Variants in XRCC5 observed in about 807,000 individuals in gnomAD.
XRCC5 encodes the protein DNA repair protein Ku80.
In XRCC5, 12 loss-of-function variants were observed where a neutral mutation model predicts 95.7. The observed-to-expected ratio is 0.13, with a 90% confidence interval of 0.08 to 0.20. XRCC5 has a LOEUF of 0.20. XRCC5 is among the 10% of genes least tolerant of loss of function. XRCC5 has a pLI of 1.00. For missense variants in XRCC5, 595 were observed against 873.9 expected (o/e 0.68, Z 4.02); for synonymous variants, 281 against 290.3 (o/e 0.97, Z 0.33).
intron 16 of XRCC5, among the ~76,000 whole-genome samples, chr2:216,182,475 A>G (rs1242727338): frequency 2.0e-5 from 3 of 152,190 alleles, no homozygotes; most frequent in Non-Finnish European, 4.4e-5. Context: ...AAGCATGGTG[A>G]TAAGGTTCTT....
At chr2:216,189,739 G>T (rs1337704110) in intron 16 of XRCC5, among the ~76,000 whole-genome samples, 3 of 152,154 alleles carry the variant, frequency 2.0e-5, no homozygotes, top group Non-Finnish European at 4.4e-5. Context: ...CCTTGGATTG[G>T]TAGAAGATGG....
chr2:216,137,376 C>T (rs781487376), intron 11 of XRCC5, 151 bp downstream of exon 11: 12 of 879,158 alleles, frequency 1.4e-5, no homozygotes, highest in Non-Finnish European at 1.7e-5. Context: ...CCCAGATTCT[C>T]TGTTTCTCTC....
At chr2:216,112,339 C>A (rs111879113) in intron 1 of XRCC5, among the ~76,000 whole-genome samples, 2 of 152,230 alleles carry the variant, frequency 1.3e-5, no homozygotes, top group Admixed American at 1.3e-4. Flanking sequence ...GCCCCTTCAC[C>A]GCTCTGGTAT....
At chr2:216,118,954 GCTT>G in intron 4 of XRCC5, 86 bp from the exon 5 acceptor site, 1 of 1,385,752 alleles carries the variant, frequency 7.2e-7, no homozygotes. Flanking sequence ...CCATTTCTAA[GCTT>G]CTCTCCTCAG....
chr2:216,205,318 C>A lies in XRCC5; in HGVS notation c.*116C>A. 1 of 1,274,414 alleles carries A rather than the reference C, an allele frequency of 7.8e-7. No homozygotes were observed. Among genetic ancestry groups the A allele is most frequent in the Non-Finnish European group, 1.1e-6 (1 of 871,708 alleles). 78.9% of individuals were successfully genotyped at this position (1,274,414 alleles called of 1,614,324 possible). The stretch of plus-strand genomic sequence containing the variant: ...AGCCAAAATCTCAAGAAATTCCCAG[C>A]AGGTTACCTGGAGGCGGATCATCTA... On this transcript the variant is annotated 3_prime_UTR_variant, in exon 21 of 21. Transcript: ENST00000392132.
intron 13 of XRCC5, among the ~76,000 whole-genome samples, chr2:216,147,112 A>G (rs1471782216): frequency 1.4e-5 from 2 of 146,570 alleles, no homozygotes; most frequent in East Asian, 3.8e-4. Context: ...GCTACTTCAT[A>G]TAGAGTGTCA....
At chr2:216,159,879 A>T (rs984028997) in intron 14 of XRCC5, among the ~76,000 whole-genome samples, 189 bp from the exon 15 acceptor site, 29 of 152,330 alleles carry the variant, frequency 1.9e-4, no homozygotes, top group African/African-American at 7.0e-4. Flanking sequence ...TGGCTAGGAA[A>T]GGGAGGCAGC....
At chr2:216,163,149 T>C (rs1356570027) in intron 16 of XRCC5, among the ~76,000 whole-genome samples, 1 of 152,040 alleles carries the variant, frequency 6.6e-6, no homozygotes, top group Non-Finnish European at 1.5e-5. Context: ...CTTTTTTTTT[T>C]TTAGTGACAG....
chr2:216,166,945 T>G (rs934108191), intron 16 of XRCC5, among the ~76,000 whole-genome samples: 2 of 152,178 alleles, frequency 1.3e-5, no homozygotes, highest in African/African-American at 2.4e-5. Flanking sequence ...AACTTAACTT[T>G]ATAATGAGAC....
In XRCC5 at chr2:216,205,468, T is replaced by G. The variant is rs1485426951; in HGVS notation, c.*266T>G. The G allele has an allele frequency of 7.9e-6, 4 of 508,946 alleles. No individual in the cohort carries two copies. The highest frequency in any genetic ancestry group is 3.3e-5 in the East Asian group (1 of 30,080). The allele number at this position is 508,946 out of a possible 1,614,324, so 31.5% of individuals were successfully genotyped here. A position where few individuals can be genotyped will look rare whatever the true frequency, so the allele number is the denominator to read the frequency against. On this transcript the variant is annotated 3_prime_UTR_variant, in exon 21 of 21. Coordinates refer to ENST00000392132, the MANE Select transcript of XRCC5 (RefSeq NM_021141.4). Reference sequence around the variant, plus strand: ...ATTTTTTCTGTGGTCTTACTGATCTTTGTATATTACATACATGCTTTGAAG... The same window carrying G: ...ATTTTTTCTGTGGTCTTACTGATCTGTGTATATTACATACATGCTTTGAAG...
rs200232117 is a variant in XRCC5 at position 216,148,212 on chromosome 2, C to G, written c.1606C>G (p.Leu536Val). 79 of 1,613,814 alleles carry G rather than the reference C, an allele frequency of 4.9e-5. No homozygotes were observed. The East Asian group carries it at 1.7e-3, about 35-fold the overall frequency. Reference protein sequence around the residue: ...SQIPLSKIKTLFPLIEAKKKD... With the variant: ...SQIPLSKIKTVFPLIEAKKKD... The stretch of plus-strand genomic sequence containing the variant: ...GATTCCTCTCTCTAAAATAAAGACC[C>G]TTTTTCCTCTGATTGAAGCCAAGAA... The change falls in exon 14 of 21, where the codon CTT becomes GTT. Residue 536 changes from leucine to valine, a missense_variant. Around this residue, in one of 2 missense-constraint regions of XRCC5, gnomAD observed 309 missense variants for 382.9 expected, o/e 0.81. Coordinates refer to ENST00000392132, the MANE Select transcript of XRCC5 (RefSeq NM_021141.4).
chr2:216,198,619 G>A (rs1239001778), intron 19 of XRCC5, among the ~76,000 whole-genome samples: 1 of 151,806 alleles, frequency 6.6e-6, no homozygotes, highest in South Asian at 2.1e-4. Flanking sequence ...GTAGTGGCAC[G>A]GTCTCAGCTC....
intron 9 of XRCC5, 131 bp from the exon 10 acceptor site, chr2:216,132,194 G>T (rs1278667605): frequency 7.8e-6 from 6 of 770,006 alleles, no homozygotes; most frequent in Non-Finnish European, 1.1e-5. Context: ...TAAACTTCAG[G>T]TAATAAGGTG....
At chr2:216,126,077 T>A (rs915787235) in intron 7 of XRCC5, 46 bp downstream of exon 7, 8 of 1,445,446 alleles carry the variant, frequency 5.5e-6, no homozygotes, top group Non-Finnish European at 5.8e-6. Context: ...ACCAGGCAGA[T>A]AAATATGTGT....
At chr2:216,136,728 ATTATT>A (rs1279700477) in intron 10 of XRCC5, among the ~76,000 whole-genome samples, 1 of 152,128 alleles carries the variant, frequency 6.6e-6, no homozygotes, top group African/African-American at 2.4e-5. Context: ...CAGCATGCCT[ATTATT>A]TTAAGAAATT....
chr2:216,141,118 G>C, intron 12 of XRCC5, 68 bp from the exon 13 acceptor site: 1 of 1,585,590 alleles, frequency 6.3e-7, no homozygotes. Context: ...ATATCTCTAC[G>C]TAGAAAGCAT....
intron 14 of XRCC5, among the ~76,000 whole-genome samples, chr2:216,152,772 T>C (rs115266072): frequency 0.013 from 1,902 of 151,922 alleles, 53 homozygotes; most frequent in African/African-American, 0.044. Flanking sequence ...ATCTCCCAAC[T>C]TGAGGATCCT....
At chr2:216,152,893 A>G (rs2106022172) in intron 14 of XRCC5, among the ~76,000 whole-genome samples, 1 of 151,940 alleles carries the variant, frequency 6.6e-6, no homozygotes, top group East Asian at 1.9e-4. Context: ...CTGGTACCTT[A>G]GGCCACTAAT....
rs41299786 is a variant in XRCC5, at chr2:216,126,845, C to T, written c.799-691C>T. ...TAGGAATGTGAATATAGTCTCCCTC[C>T]TCTTTTATTTTGGCCTGCTTTTCAA... is the stretch of plus-strand genomic sequence containing the variant. On this transcript the variant is annotated intron_variant, in intron 7 of 20. Transcript: ENST00000392132. 7.5e-3 allele frequency among the ~76,000 whole-genome samples: 1,136 copies of T among 151,904 alleles called. 28 individuals are homozygous for T. The highest frequency in any genetic ancestry group is 0.055 in the East Asian group (284 of 5,176).
Sources: gnomAD v4.1 joint callset for allele counts (sites outside exome capture counted in the v4.1 genomes callset) on GRCh38, gnomAD v4.1.1 for gene constraint, gnomAD v4.1.1 regional missense constraint, MANE v1.5 for transcripts, NCBI Gene and HGNC (gene_info 2026-07-23, HGNC 2026-07-21) for gene names.